CCDC85A: variants seen among roughly 807,000 people sequenced by gnomAD.
The protein encoded by CCDC85A is coiled-coil domain-containing protein 85A.
CCDC85A carries 38 observed loss-of-function variants against 50.2 expected under a neutral mutation model. That is an observed-to-expected ratio of 0.76 (90% CI 0.58 to 0.99). The LOEUF (loss-of-function observed/expected upper bound fraction) is 0.99. Among genes scored for constraint, CCDC85A ranks in the 50% least tolerant of loss-of-function variants. The pLI, the probability that CCDC85A is intolerant of heterozygous loss-of-function variation, is 0.00. For synonymous variants in CCDC85A, 366 were observed against 301.4 expected, an observed-to-expected ratio of 1.21 and a Z score of -2.22; for missense variants, 820 against 742.0, an observed-to-expected ratio of 1.11 and a Z score of -1.22.
At chr2:56,221,061 G>T (rs1303774484) in intron 2 of CCDC85A, among the ~76,000 whole-genome samples, 2 of 151,030 alleles carry the variant, frequency 1.3e-5, no homozygotes, top group African/African-American at 4.9e-5. Context: ...TGTGTTGAAG[G>T]TCCTAATTTT....
intron 2 of CCDC85A, among the ~76,000 whole-genome samples, chr2:56,264,432 G>A (rs1397246339): frequency 6.6e-6 from 1 of 152,052 alleles, no homozygotes; most frequent in East Asian, 1.9e-4. Flanking sequence ...AGTCACCTTT[G>A]ACTCTCACAT....
intron 3 of CCDC85A, among the ~76,000 whole-genome samples, chr2:56,350,017 A>G (rs1006025292): frequency 3.3e-5 from 5 of 151,584 alleles, no homozygotes; most frequent in Admixed American, 1.3e-4. Flanking sequence ...AAAAAAATGG[A>G]AAGGGAATTA....
At chr2:56,208,612 A>C (rs1020167780) in intron 2 of CCDC85A, among the ~76,000 whole-genome samples, 4 of 152,130 alleles carry the variant, frequency 2.6e-5, no homozygotes, top group Non-Finnish European at 5.9e-5. Context: ...CATAGGGTCA[A>C]GAAATGTCTT....
At chr2:56,279,293 A>C (rs904591895) in intron 2 of CCDC85A, among the ~76,000 whole-genome samples, 2 of 152,202 alleles carry the variant, frequency 1.3e-5, no homozygotes, top group African/African-American at 2.4e-5. Context: ...CAGTTCACCC[A>C]CTTAAAAATA....
At chr2:56,256,709 T>C (rs1482352713) in intron 2 of CCDC85A, among the ~76,000 whole-genome samples, 1 of 152,202 alleles carries the variant, frequency 6.6e-6, no homozygotes, top group Non-Finnish European at 1.5e-5. Context: ...CCCAGGCAGA[T>C]AAATATAACC....
intron 2 of CCDC85A, among the ~76,000 whole-genome samples, chr2:56,245,891 C>T (rs889463963): frequency 2.0e-5 from 3 of 152,174 alleles, no homozygotes; most frequent in African/African-American, 7.2e-5. Flanking sequence ...TCTTGAACTT[C>T]CCAGTTTCCA....
At chr2:56,328,658 C>G (rs1303107802) in intron 2 of CCDC85A, among the ~76,000 whole-genome samples, 1 of 152,188 alleles carries the variant, frequency 6.6e-6, no homozygotes, top group Admixed American at 6.5e-5. Context: ...TGCTCCTTCT[C>G]CAAGCCATTG....
chr2:56,215,701 A>T (rs944143352), intron 2 of CCDC85A, among the ~76,000 whole-genome samples: 1 of 151,688 alleles, frequency 6.6e-6, no homozygotes, highest in African/African-American at 2.4e-5. Flanking sequence ...ACTTTTTAAA[A>T]TAACCCAATC....
chr2:56,276,500 A>G (rs1670951025), intron 2 of CCDC85A, among the ~76,000 whole-genome samples: 2 of 152,008 alleles, frequency 1.3e-5, no homozygotes, highest in African/African-American at 4.8e-5. Flanking sequence ...TGCTAATCTC[A>G]TGGTAGTGAA....
chr2:56,350,745 AC>A (rs1055812324), intron 3 of CCDC85A, among the ~76,000 whole-genome samples: 1 of 141,216 alleles, frequency 7.1e-6, no homozygotes, highest in African/African-American at 2.7e-5. Context: ...TGGTTCAGAG[AC>A]CTTTCCTTTT....
At chr2:56,320,172 C>T (rs1443431441) in intron 2 of CCDC85A, among the ~76,000 whole-genome samples, 1 of 151,982 alleles carries the variant, frequency 6.6e-6, no homozygotes, top group Non-Finnish European at 1.5e-5. Context: ...ACTAAATGCC[C>T]ACAAGAGAAA....
intron 2 of CCDC85A, among the ~76,000 whole-genome samples, chr2:56,300,104 C>T (rs994091941): frequency 6.6e-6 from 1 of 152,122 alleles, no homozygotes; most frequent in Non-Finnish European, 1.5e-5. Context: ...GCAAACTAGG[C>T]CCTTCCAAAG....
intron 2 of CCDC85A, among the ~76,000 whole-genome samples, chr2:56,230,368 G>A (rs1668725024): frequency 6.6e-6 from 1 of 152,098 alleles, no homozygotes; most frequent in Admixed American, 6.6e-5. Context: ...ATATTTTTGT[G>A]TTCCCTACTC....
At chr2:56,323,026 G>C (rs59202337) in intron 2 of CCDC85A, among the ~76,000 whole-genome samples, 1 of 151,894 alleles carries the variant, frequency 6.6e-6, no homozygotes, top group African/African-American at 2.4e-5. Flanking sequence ...CCATCATTAT[G>C]AGCAAACTGT....
chr2:56,253,449 G>T (rs1017775739), intron 2 of CCDC85A, among the ~76,000 whole-genome samples: 2 of 152,146 alleles, frequency 1.3e-5, no homozygotes, highest in Non-Finnish European at 2.9e-5. Flanking sequence ...GTTGGAAAGA[G>T]AAGGGCTCCT....
intron 3 of CCDC85A, among the ~76,000 whole-genome samples, chr2:56,355,652 C>T (rs779363089): frequency 1.3e-5 from 2 of 152,204 alleles, no homozygotes; most frequent in Non-Finnish European, 2.9e-5. Flanking sequence ...CACCTCTTCA[C>T]TTAAACCCTT....
At chr2:56,266,399 G>A (rs188814051) in intron 2 of CCDC85A, among the ~76,000 whole-genome samples, 4 of 152,180 alleles carry the variant, frequency 2.6e-5, no homozygotes, top group Admixed American at 1.3e-4. Context: ...GCAAGACCCT[G>A]TTTCTAATAA....
intron 3 of CCDC85A, 49 bp downstream of exon 3, chr2:56,343,004 A>C (rs1269589175): frequency 1.6e-6 from 2 of 1,273,858 alleles, no homozygotes; most frequent in Admixed American, 2.2e-5. Flanking sequence ...TTTAAGTTGT[A>C]GTATTTTATT....
At chr2:56,247,678 G>T (rs1029885753) in intron 2 of CCDC85A, among the ~76,000 whole-genome samples, 1 of 152,122 alleles carries the variant, frequency 6.6e-6, no homozygotes, top group African/African-American at 2.4e-5. Flanking sequence ...AAATGGAAAA[G>T]ACTAGGCCAT....
Sources: allele counts gnomAD v4.1 joint callset (sites outside exome capture counted in the v4.1 genomes callset), GRCh38; gene constraint gnomAD v4.1.1; transcripts MANE v1.5; gene names NCBI Gene and HGNC (gene_info 2026-07-23, HGNC 2026-07-21).